PIK3CB: variants seen among roughly 807,000 people sequenced by gnomAD.
PIK3CB encodes phosphatidylinositol-4,5-bisphosphate 3-kinase catalytic subunit beta, also known as phosphatidylinositol 4,5-bisphosphate 3-kinase catalytic subunit beta isoform.
A neutral mutation model predicts 136.8 loss-of-function variants in PIK3CB; 39 were observed. The observed-to-expected ratio is 0.29, with a 90% CI of 0.22 to 0.37. The LOEUF is 0.37. Among genes scored for constraint, PIK3CB ranks in the 10% least tolerant of loss-of-function variants. PIK3CB has a pLI of 1.00. For missense variants in PIK3CB, 868 were observed against 1,275.4 expected (o/e 0.68, Z 4.87); for synonymous variants, 428 against 436.6 (o/e 0.98, Z 0.25).
chr3:138,811,826 T>A (rs1470972895), intron 1 of PIK3CB, among the ~76,000 whole-genome samples: 1 of 151,826 alleles, frequency 6.6e-6, no homozygotes, highest in Non-Finnish European at 1.5e-5. Context: ...TGGTGGCTTA[T>A]GCCTGTAATC....
At chr3:138,667,613 G>A (rs1577049330) in intron 19 of PIK3CB, among the ~76,000 whole-genome samples, 2 of 151,082 alleles carry the variant, frequency 1.3e-5, no homozygotes, top group South Asian at 2.1e-4. Context: ...CCAGGCTGGA[G>A]TGCAGTGGCG....
intron 6 of PIK3CB, among the ~76,000 whole-genome samples, chr3:138,735,524 A>G (rs933615047): frequency 6.6e-6 from 1 of 152,132 alleles, no homozygotes; most frequent in Non-Finnish European, 1.5e-5. Context: ...CGCATGTGGC[A>G]GATTCACACT....
At chr3:138,772,437 A>T (rs910528020) in intron 2 of PIK3CB, among the ~76,000 whole-genome samples, 1 of 151,960 alleles carries the variant, frequency 6.6e-6, no homozygotes, top group Admixed American at 6.6e-5. Flanking sequence ...TTTATTCTGT[A>T]TTTTTAAAAA....
In PIK3CB at chr3:138,752,530, ATAT is replaced by A. The variant is rs2045491731; in HGVS notation, c.397+3221_397+3223del. Among the ~76,000 whole-genome samples the A allele has an allele frequency of 3.9e-5, 6 of 152,276 alleles. No homozygotes were observed. In the East Asian group the frequency reaches 1.2e-3, roughly 29 times the overall value. ...TAAATGTTAACATTTAAATTTGTGT[ATAT>A]AATCAAAATGCCAAAGAATACAAAA... On this transcript the variant is annotated intron_variant, in intron 4 of 23. Transcript: ENST00000674063.
At chr3:138,734,400 C>T (rs747640684) in intron 7 of PIK3CB, among the ~76,000 whole-genome samples, 24 of 152,136 alleles carry the variant, frequency 1.6e-4, no homozygotes, top group Non-Finnish European at 3.2e-4. Context: ...CATTTTTCTT[C>T]GGCAGAAAAA....
intron 2 of PIK3CB, among the ~76,000 whole-genome samples, chr3:138,792,214 A>T (rs1381021594): frequency 1.3e-5 from 2 of 152,206 alleles, no homozygotes; most frequent in African/African-American, 4.8e-5. Flanking sequence ...AAGAAAAAAA[A>T]GAAATATTGG....
intron 2 of PIK3CB, among the ~76,000 whole-genome samples, chr3:138,793,620 A>AG (rs2046077436): frequency 6.7e-6 from 1 of 149,394 alleles, no homozygotes; most frequent in African/African-American, 2.4e-5. Context: ...AAAAAAAAAA[A>AG]AGTTTAAACC....
At chr3:138,674,611 C>T (rs886804983) in intron 19 of PIK3CB, among the ~76,000 whole-genome samples, 38 of 152,080 alleles carry the variant, frequency 2.5e-4, no homozygotes, top group African/African-American at 8.9e-4. Flanking sequence ...AAGTATGTGA[C>T]ATACAAAGAA....
At chr3:138,800,844 C>T (rs915218608) in intron 1 of PIK3CB, among the ~76,000 whole-genome samples, 5 of 152,018 alleles carry the variant, frequency 3.3e-5, no homozygotes, top group African/African-American at 7.2e-5. Context: ...AGGCTGGTCT[C>T]GGACCTCCTG....
intron 8 of PIK3CB, among the ~76,000 whole-genome samples, chr3:138,718,762 G>A (rs765513808): frequency 1.3e-5 from 2 of 152,048 alleles, no homozygotes; most frequent in Non-Finnish European, 2.9e-5. Context: ...ATCTACATAC[G>A]GCTTGCCAGT....
intron 19 of PIK3CB, among the ~76,000 whole-genome samples, chr3:138,671,893 T>G (rs1210855709): frequency 2.0e-5 from 3 of 152,174 alleles, no homozygotes; most frequent in Non-Finnish European, 4.4e-5. Flanking sequence ...ACATCTGAAT[T>G]TTTTTAGATA....
chr3:138,810,798 T>C (rs752525447), intron 1 of PIK3CB, among the ~76,000 whole-genome samples: 3 of 152,114 alleles, frequency 2.0e-5, no homozygotes, highest in African/African-American at 7.2e-5. Context: ...CAGGCGCCTG[T>C]AGTCCCAGCT....
intron 6 of PIK3CB, among the ~76,000 whole-genome samples, chr3:138,736,209 T>C (rs974161788): frequency 3.3e-5 from 5 of 152,208 alleles, no homozygotes; most frequent in African/African-American, 1.2e-4. Context: ...TTTCTTCTTA[T>C]GGACTAGAGT....
intron 1 of PIK3CB, among the ~76,000 whole-genome samples, chr3:138,816,489 G>A (rs923378120): frequency 2.0e-5 from 3 of 151,988 alleles, no homozygotes; most frequent in Non-Finnish European, 4.4e-5. Context: ...AGCTACTCAG[G>A]AGGCTGAGGC....
chr3:138,742,117 AT>A (rs1475361939), intron 5 of PIK3CB, among the ~76,000 whole-genome samples: 4 of 152,238 alleles, frequency 2.6e-5, no homozygotes, highest in Non-Finnish European at 5.9e-5. Flanking sequence ...TGAGAAAAAA[AT>A]ATTTCCAATA....
At chr3:138,815,028 T>TACTCAG (rs1431604871) in intron 1 of PIK3CB, among the ~76,000 whole-genome samples, 1 of 149,106 alleles carries the variant, frequency 6.7e-6, no homozygotes, top group Admixed American at 6.8e-5. Flanking sequence ...CAGTCCCAGC[T>TACTCAG]ACTCAGGAGG....
chr3:138,804,660 G>C (rs554737166), intron 1 of PIK3CB, among the ~76,000 whole-genome samples: 10 of 152,248 alleles, frequency 6.6e-5, no homozygotes, highest in African/African-American at 2.4e-4. Flanking sequence ...ATCACTAAAT[G>C]CAAGACGCAA....
At chr3:138,831,287 A>AAATTAAATTAAATT (rs1559896141) in intron 1 of PIK3CB, among the ~76,000 whole-genome samples, 2 of 150,394 alleles carry the variant, frequency 1.3e-5, no homozygotes, top group African/African-American at 4.9e-5. Context: ...AAATAAAATT[A>AAATTAAATTAAATT]AATTAAATTA....
chr3:138,676,434 G>T (rs1005964974), intron 19 of PIK3CB, among the ~76,000 whole-genome samples: 1 of 152,192 alleles, frequency 6.6e-6, no homozygotes, highest in Non-Finnish European at 1.5e-5. Flanking sequence ...TGAACATAAA[G>T]TTAACATCAG....
Sources: gnomAD v4.1 joint callset for allele counts (sites outside exome capture counted in the v4.1 genomes callset) on GRCh38, gnomAD v4.1.1 for gene constraint, MANE v1.5 for transcripts, NCBI Gene and HGNC (gene_info 2026-07-23, HGNC 2026-07-21) for gene names.